The following EVI5 variants were observed in gnomAD, a reference collection of about 807,000 sequenced individuals.
EVI5 encodes ecotropic viral integration site 5 protein homolog.
A neutral mutation model predicts 112.0 loss-of-function variants in EVI5; 73 were observed. The ratio of observed to expected loss-of-function variants is 0.65; its 90% CI spans 0.54 to 0.79. The LOEUF (loss-of-function observed/expected upper bound fraction) is 0.79, where lower values mean the gene tolerates loss of function less well. Ranked by LOEUF, EVI5 falls within the 30% of genes least tolerant of loss-of-function variation. The pLI is 0.00. For synonymous variants in EVI5, 305 were observed against 319.9 expected (o/e 0.95, Z 0.50); for missense variants, 900 against 968.8 (o/e 0.93, Z 0.94).
At chr1:92,588,613 T>G (rs554464982) in intron 18 of EVI5, among the ~76,000 whole-genome samples, 26 of 152,356 alleles carry the variant, frequency 1.7e-4, no homozygotes, top group Non-Finnish European at 2.6e-4. Context: ...CCATAAGATT[T>G]ATTTTTTTCA....
intron 18 of EVI5, among the ~76,000 whole-genome samples, chr1:92,568,329 TCATGTCGCTACACTC>T (rs1669801299): frequency 6.7e-6 from 1 of 150,176 alleles, no homozygotes; most frequent in African/African-American, 2.5e-5. Context: ...TGAGTTGTGT[TCATGTCGCTACACTC>T]CAGCCTGGGA....
At chr1:92,549,940 G>A (rs1218405586) in intron 19 of EVI5, among the ~76,000 whole-genome samples, 2 of 152,170 alleles carry the variant, frequency 1.3e-5, no homozygotes, top group Non-Finnish European at 2.9e-5. Context: ...AGACAGTGTG[G>A]CGATTACTCA....
At chr1:92,553,604 T>C (rs1458695583) in intron 19 of EVI5, among the ~76,000 whole-genome samples, 2 of 152,028 alleles carry the variant, frequency 1.3e-5, no homozygotes, top group East Asian at 3.9e-4. Flanking sequence ...CCCAGCCAAT[T>C]TTTGTATTTT....
intron 19 of EVI5, among the ~76,000 whole-genome samples, chr1:92,556,128 ATCTTGGCTCAC>A (rs1278752705): frequency 6.9e-6 from 1 of 143,972 alleles, no homozygotes; most frequent in African/African-American, 2.6e-5. Context: ...CAGTGGTGTG[ATCTTGGCTCAC>A]TGCAACCTCC....
At chr1:92,715,816 C>G (rs1396875029) in intron 2 of EVI5, among the ~76,000 whole-genome samples, 1 of 152,188 alleles carries the variant, frequency 6.6e-6, no homozygotes, top group Non-Finnish European at 1.5e-5. Context: ...ATATCTCGCG[C>G]CTGGCTCGGT....
intron 1 of EVI5, among the ~76,000 whole-genome samples, chr1:92,750,324 A>G (rs1679980886): frequency 6.6e-6 from 1 of 152,238 alleles, no homozygotes; most frequent in Admixed American, 6.5e-5. Flanking sequence ...ATACAAATCA[A>G]TACTTAAGAG....
rs185044461 is a variant in EVI5 at position 92,648,633 on chromosome 1, G to A, written c.1393-12297C>T. Among the ~76,000 whole-genome samples, 298 of 152,252 alleles carry A rather than the reference G, an allele frequency of 2.0e-3. 1 individual carries two copies. The highest frequency in any genetic ancestry group is 3.4e-3 in the Non-Finnish European group (229 of 68,018). ...TCCTATAAATGGAGTCATACAATAT[G>A]TGATCTTTTGGGTCTGGCTTTTTTC... On this transcript the variant is annotated intron_variant, in intron 13 of 19. Transcript: ENST00000684568.
At chr1:92,760,083 G>A (rs1355848600) in intron 1 of EVI5, among the ~76,000 whole-genome samples, 2 of 152,062 alleles carry the variant, frequency 1.3e-5, no homozygotes, top group East Asian at 3.8e-4. Context: ...CATTAACTTT[G>A]TGATTTTTAA....
chr1:92,618,846 A>T (rs566324528), intron 16 of EVI5, among the ~76,000 whole-genome samples: 1 of 152,358 alleles, frequency 6.6e-6, no homozygotes, highest in East Asian at 1.9e-4. Context: ...ATTTGTACTA[A>T]GAAAATATAT....
At chr1:92,550,943 A>G (rs1239766883) in intron 19 of EVI5, among the ~76,000 whole-genome samples, 7 of 146,020 alleles carry the variant, frequency 4.8e-5, no homozygotes, top group Non-Finnish European at 9.0e-5. Flanking sequence ...ATAGATGTAT[A>G]TTAAGAAAAA....
intron 16 of EVI5, 112 bp downstream of exon 16, chr1:92,624,064 T>C (rs1352529392): frequency 3.1e-6 from 3 of 964,390 alleles, no homozygotes; most frequent in Non-Finnish European, 3.1e-6. Context: ...CTGCGGTCTA[T>C]ACAGCTTCAT....
intron 2 of EVI5, among the ~76,000 whole-genome samples, chr1:92,729,661 T>C (rs1461047467): frequency 1.3e-5 from 2 of 152,234 alleles, no homozygotes; most frequent in African/African-American, 2.4e-5. Flanking sequence ...ATCCTCCTTA[T>C]ATTTTAAATC....
intron 2 of EVI5, among the ~76,000 whole-genome samples, chr1:92,715,736 A>C (rs1673538710): frequency 1.3e-5 from 2 of 152,246 alleles, no homozygotes; most frequent in Non-Finnish European, 1.5e-5. Context: ...CTGTACCTGG[A>C]AAAACGGGAC....
chr1:92,770,420 G>A (rs1043229587), intron 1 of EVI5, among the ~76,000 whole-genome samples: 2 of 152,164 alleles, frequency 1.3e-5, no homozygotes, highest in African/African-American at 4.8e-5. Flanking sequence ...CTCCACATGT[G>A]TACGTTTCTC....
chr1:92,663,389 T>A, intron 12 of EVI5, 31 bp downstream of exon 12: 2 of 1,235,150 alleles, frequency 1.6e-6, no homozygotes, highest in Non-Finnish European at 2.2e-6. Context: ...AGAAGATGTT[T>A]TAAAAAACTA....
chr1:92,544,697 A>AT (rs1665389446), intron 19 of EVI5, among the ~76,000 whole-genome samples: 1 of 152,206 alleles, frequency 6.6e-6, no homozygotes, highest in South Asian at 2.1e-4. Context: ...TAGAAAAATA[A>AT]TTTTTAAAAT....
Position 92,581,863 on chromosome 1 carries a change from A to G in EVI5, c.2071-18126T>C, listed in dbSNP as rs555807086. On this transcript the variant is annotated intron_variant, in intron 18 of 19. Transcript: ENST00000684568. ...CTCTTATGGCATAGAAGGTCAATAC[A>G]TGACTATTTTCTCCCTCCTAAAATT... Among the ~76,000 whole-genome samples the G allele has an allele frequency of 1.8e-3, 268 of 152,326 alleles. 1 individual carries two copies. Among genetic ancestry groups the G allele is most frequent in the African/African-American group, 5.9e-3 (244 of 41,576 alleles).
chr1:92,728,384 T>C (rs918854577), intron 2 of EVI5, among the ~76,000 whole-genome samples: 4 of 30,802 alleles, frequency 1.3e-4, no homozygotes, highest in South Asian at 3.0e-3. Flanking sequence ...GTTTCTTTTT[T>C]TTCTTTTTTT....
chr1:92,588,952 T>A lies in EVI5; in HGVS notation c.2070+16355A>T, dbSNP rs182507613. Among the ~76,000 whole-genome samples the A allele has an allele frequency of 1.8e-3, 267 of 152,322 alleles. 1 individual carries two copies. The highest frequency in any genetic ancestry group is 5.8e-3 in the African/African-American group (243 of 41,562). On this transcript the variant is annotated intron_variant, in intron 18 of 19. Transcript: ENST00000684568. The stretch of plus-strand genomic sequence containing the variant: ...GTCAAATAATGGTCCTTACCCTCAA[T>A]GAACTTCAGCTGCACATGGTGGACA...
Sources: gnomAD v4.1 joint callset for allele counts (sites outside exome capture counted in the v4.1 genomes callset) on GRCh38, gnomAD v4.1.1 for gene constraint, MANE v1.5 for transcripts, NCBI Gene and HGNC (gene_info 2026-07-23, HGNC 2026-07-21) for gene names.